CDH17: variants seen among roughly 807,000 people sequenced by gnomAD.
CDH17 encodes the protein cadherin-17.
In CDH17, 67 loss-of-function variants were observed where a neutral mutation model predicts 86.3. The observed-to-expected ratio is 0.78, with a 90% CI of 0.64 to 0.95. CDH17 has a LOEUF of 0.95. Among genes scored for constraint, CDH17 ranks in the 40% least tolerant of loss-of-function variants. CDH17 has a pLI of 0.00. For synonymous variants in CDH17, 367 were observed against 366.4 expected, an observed-to-expected ratio of 1.00 and a Z score of -0.02; for missense variants, 993 against 1,017.6, an observed-to-expected ratio of 0.98 and a Z score of 0.33.
rs1319323 is a variant in CDH17, at chr8:94,214,827, T to C, written c.-21+2371A>G. On this transcript the variant is annotated intron_variant, in intron 1 of 17. Transcript: ENST00000450165. ...CCAATCAAAAAATAAAGGATCTGAA[T>C]AGAAATTTTTTAAAAGATATACAAA... 1.7e-3 allele frequency among the ~76,000 whole-genome samples: 264 copies of C among 152,248 alleles called. 1 individual carries two copies. The highest frequency in any genetic ancestry group is 6.2e-3 in the African/African-American group (256 of 41,544).
chr8:94,187,268 ACT>A (rs1813599159), intron 3 of CDH17, among the ~76,000 whole-genome samples: 1 of 152,030 alleles, frequency 6.6e-6, no homozygotes, highest in Non-Finnish European at 1.5e-5. Context: ...AAAATCAGTC[ACT>A]CTTTCTTAGT....
At chr8:94,214,443 G>A (rs751737294) in intron 1 of CDH17, among the ~76,000 whole-genome samples, 17 of 152,146 alleles carry the variant, frequency 1.1e-4, no homozygotes, top group Non-Finnish European at 2.1e-4. Context: ...TTGTGAAATT[G>A]ATCTTCACAT....
intron 1 of CDH17, among the ~76,000 whole-genome samples, chr8:94,195,444 G>T (rs1281325663): frequency 6.6e-6 from 1 of 152,158 alleles, no homozygotes; most frequent in Non-Finnish European, 1.5e-5. Context: ...TTCATTCAAA[G>T]ATGTCACCAG....
rs770782638 is a variant in CDH17, at chr8:94,148,711, CTTTTTTTTTGTTTTTTT to C, written c.1927+16_1927+32del. The C allele has an allele frequency of 9.7e-6, 13 of 1,346,192 alleles. 1 individual carries two copies. The South Asian group carries it at 1.6e-4, about 17-fold the overall frequency. The allele number at this position is 1,346,192 out of a possible 1,614,324, so 83.4% of individuals were successfully genotyped here. On this transcript the variant is annotated intron_variant, in intron 14 of 17. Transcript: ENST00000027335. ...ATGTATCTTCTGATAATCTGTGTTC[CTTTTTTTTTGTTTTTTT>C]TTTTTTTTTGCTTACCTACTTCTGT...
intron 12 of CDH17, among the ~76,000 whole-genome samples, chr8:94,159,094 T>C (rs1586249466): frequency 6.6e-6 from 1 of 152,148 alleles, no homozygotes; most frequent in Non-Finnish European, 1.5e-5. Flanking sequence ...TGGACGGCAT[T>C]GAGTGCTGCT....
At chr8:94,134,154 A>T (rs1212324825) in intron 15 of CDH17, among the ~76,000 whole-genome samples, 3 of 152,216 alleles carry the variant, frequency 2.0e-5, no homozygotes. Flanking sequence ...TGGCATCAGG[A>T]TGAAGCTGGC....
chr8:94,217,193 C>T (rs1336369131), intron 1 of CDH17: 1 of 152,264 alleles, frequency 6.6e-6, no homozygotes, highest in Non-Finnish European at 1.5e-5. Context: ...CCCAGCTCTA[C>T]TTACCTCCCA....
At chr8:94,198,919 G>A (rs2340033) in intron 1 of CDH17, among the ~76,000 whole-genome samples, 4,827 of 151,578 alleles carry the variant, frequency 0.032, 91 homozygotes, top group Middle Eastern at 0.048. Flanking sequence ...CAAGAACTGG[G>A]GTACCAAAAT....
chr8:94,163,059 C>G (rs566306804), intron 10 of CDH17, among the ~76,000 whole-genome samples: 1 of 152,336 alleles, frequency 6.6e-6, no homozygotes, highest in East Asian at 1.9e-4. Context: ...AATAACAGAA[C>G]AGATGTTTTC....
rs780461216 is a variant in CDH17 at position 94,165,778 on chromosome 8, A to G, written c.1265T>C (p.Ile422Thr). 24 of 1,610,884 alleles carry G rather than the reference A, an allele frequency of 1.5e-5. No individual in the cohort carries two copies. Among genetic ancestry groups the G allele is most frequent in the South Asian group, 9.9e-5 (9 of 91,040 alleles). Residue 422 changes from isoleucine (I) to threonine (T), a missense_variant, in exon 10 of 18, where the codon ATA becomes ACA. Transcript: ENST00000027335. ...ATACTAACCTTTGTCAGACACCTCT[A>G]TCGTTAAGTTGTACTGAGGAGTATC... is the stretch of plus-strand genomic sequence containing the variant. ...KQDTPQYNLT[I>T]EVSDKDFKTL...
chr8:94,216,359 G>A (rs950101468), intron 1 of CDH17, among the ~76,000 whole-genome samples: 13 of 152,234 alleles, frequency 8.5e-5, no homozygotes, highest in African/African-American at 2.9e-4. Context: ...GAGGAGGAGG[G>A]GAGAACAGAA....
intron 1 of CDH17, among the ~76,000 whole-genome samples, chr8:94,207,814 G>C (rs564679133): frequency 6.6e-6 from 1 of 152,202 alleles, no homozygotes; most frequent in Admixed American, 6.5e-5. Flanking sequence ...GCTGTGTGTG[G>C]CTTAACATAA....
intron 13 of CDH17, among the ~76,000 whole-genome samples, chr8:94,151,377 G>T (rs1467136903): frequency 6.6e-6 from 1 of 152,180 alleles, no homozygotes; most frequent in Non-Finnish European, 1.5e-5. Context: ...GGGTGCCCTA[G>T]ATCAGCTCTT....
upstream of CDH17, among the ~76,000 whole-genome samples, chr8:94,210,225 G>GAAAAA (rs1563594359): frequency 2.5e-4 from 4 of 16,108 alleles, no homozygotes; most frequent in African/African-American, 7.6e-4. Context: ...CTTTATGCGA[G>GAAAAA]TAAAAAAAAA....
At chr8:94,173,573 G>A (rs991038256) in intron 7 of CDH17, among the ~76,000 whole-genome samples, 2 of 152,136 alleles carry the variant, frequency 1.3e-5, no homozygotes, top group Admixed American at 6.6e-5. Flanking sequence ...TTTCTTTATA[G>A]CAATACAAAA....
chr8:94,214,951 C>T (rs1814172445), intron 1 of CDH17, among the ~76,000 whole-genome samples: 1 of 152,130 alleles, frequency 6.6e-6, no homozygotes, highest in African/African-American at 2.4e-5. Context: ...CAGGGTGTTT[C>T]ATACCCACCA....
chr8:94,187,335 T>C (rs550673472), intron 3 of CDH17, among the ~76,000 whole-genome samples: 1 of 152,372 alleles, frequency 6.6e-6, no homozygotes, highest in South Asian at 2.1e-4. Context: ...CTTCAGTGCA[T>C]GTGTCTGTTT....
Position 94,198,675 on chromosome 8 carries a change from C to T in CDH17, c.-20-3970G>A, listed in dbSNP as rs1474310643. Among the ~76,000 whole-genome samples the T allele has an allele frequency of 3.3e-5, 5 of 152,258 alleles. No individual in the cohort carries two copies. In the South Asian group the frequency reaches 8.3e-4, roughly 25 times the overall value. On this transcript the variant is annotated intron_variant, in intron 1 of 17. Transcript: ENST00000027335. ...CCCTTCCCACACCCAGTCACACCTC[C>T]ACCCAGATGGACTTTGCACCCTGAG...
chr8:94,152,947 C>T (rs1586245423), intron 12 of CDH17, among the ~76,000 whole-genome samples: 1 of 152,154 alleles, frequency 6.6e-6, no homozygotes, highest in African/African-American at 2.4e-5. Flanking sequence ...GGATTATAGG[C>T]GTGAGCCACT....
Sources: allele counts gnomAD v4.1 joint callset (sites outside exome capture counted in the v4.1 genomes callset), GRCh38; gene constraint gnomAD v4.1.1; transcripts MANE v1.5; gene names NCBI Gene and HGNC (gene_info 2026-07-23, HGNC 2026-07-21).